PTPRS: variants seen among roughly 807,000 people sequenced by gnomAD.
PTPRS encodes receptor-type tyrosine-protein phosphatase S.
Under a neutral mutation model 215.3 loss-of-function variants are expected in PTPRS, and 63 were observed. The ratio of observed to expected loss-of-function variants is 0.29; its 90% confidence interval spans 0.24 to 0.36. PTPRS has a LOEUF of 0.36. Ranked by LOEUF, PTPRS falls within the 10% of genes least tolerant of loss-of-function variation. The pLI is 1.00. For missense variants in PTPRS, 2,258 were observed against 2,825.8 expected (o/e 0.80, Z 4.56); for synonymous variants, 1,404 against 1,191.4 (o/e 1.18, Z -3.68).
chr19:5,219,887 T>C, intron 22 of PTPRS, 52 bp downstream of exon 22: 8 of 1,567,890 alleles, frequency 5.1e-6, no homozygotes, highest in Non-Finnish European at 7.0e-6. Flanking sequence ...GAATGGGGTC[T>C]GCCTCATTCA....
At position 5,208,305 on chromosome 19, in the gene PTPRS, G is replaced by C; in HGVS notation, c.5574C>G (p.Asp1858Glu). Residue 1858 changes from aspartate (D) to glutamate (E), a missense_variant, in exon 36 of 38, where the codon GAC (aspartate) becomes GAG (glutamate). This residue lies in a region of PTPRS where 927 missense variants were observed against 1,125.9 expected (regional missense o/e 0.82). Transcript: ENST00000262963. ...TAGTCTTATGCACTTGGCCAATGAA[G>C]TCGATGAAGCCCTCCCCCGACTTTG... is the stretch of plus-strand genomic sequence containing the variant. ...GVPKSGEGFI[D>E]FIGQVHKTKE... is the part of the protein sequence containing the mutation. 1 of 1,613,996 alleles carries C rather than the reference G, an allele frequency of 6.2e-7. No homozygotes were observed. Among genetic ancestry groups the C allele is most frequent in the Non-Finnish European group, 8.5e-7 (1 of 1,179,930 alleles).
Position 5,210,950 on chromosome 19 carries a change from C to G in PTPRS, c.5235-145G>C. On this transcript the variant is annotated intron_variant, in intron 33 of 37. Transcript: ENST00000262963. The surrounding 1 kb of genome is among the most constrained non-coding windows in gnomAD (Gnocchi z 4.5). The stretch of plus-strand genomic sequence containing the variant: ...CTGCCAGGAATGGCTGCTGGGTGCA[C>G]CACTTCCCCTCCTGGTGATCCCATT... 1 of 1,117,308 alleles carries G rather than the reference C, an allele frequency of 9.0e-7. No individual in the cohort carries two copies. Among genetic ancestry groups the G allele is most frequent in the Non-Finnish European group, 1.2e-6 (1 of 805,870 alleles). 69.2% of individuals were successfully genotyped at this position (1,117,308 alleles called of 1,614,324 possible).
intron 1 of PTPRS, among the ~76,000 whole-genome samples, chr19:5,305,963 AAAAAAAAG>A (rs2049478900): frequency 7.0e-6 from 1 of 143,286 alleles, no homozygotes; most frequent in Non-Finnish European, 1.5e-5. Context: ...AAAAAAAAAA[AAAAAAAAG>A]GGCGAATTCC....
At chr19:5,245,673 G>C in intron 10 of PTPRS, 103 bp downstream of exon 10, 1 of 1,448,532 alleles carries the variant, frequency 6.9e-7, no homozygotes, top group Non-Finnish European at 9.1e-7. Flanking sequence ...GAAGCCAAGA[G>C]GGTAACTCGG....
chr19:5,249,661 G>A (rs993417040), intron 9 of PTPRS, among the ~76,000 whole-genome samples: 1 of 152,214 alleles, frequency 6.6e-6, no homozygotes. Flanking sequence ...GGACACCAAA[G>A]AGGAAAAAAG....
intron 1 of PTPRS, among the ~76,000 whole-genome samples, chr19:5,321,341 G>A (rs1484104583): frequency 2.0e-5 from 3 of 152,266 alleles, no homozygotes; most frequent in South Asian, 2.1e-4. Flanking sequence ...GGAGCATTCC[G>A]ACCTGGGGAA....
At chr19:5,262,842 C>T in intron 6 of PTPRS, 122 bp downstream of exon 6, 1 of 1,106,510 alleles carries the variant, frequency 9.0e-7, no homozygotes, top group Non-Finnish European at 1.3e-6. Flanking sequence ...GTAAACATAC[C>T]AGGCAGAGTG....
chr19:5,252,873 C>CAAAAAAAAAAAAA (rs769636796), intron 9 of PTPRS, among the ~76,000 whole-genome samples: 9 of 45,640 alleles, frequency 2.0e-4, no homozygotes, highest in Admixed American at 4.8e-4. Context: ...AACTCCATCT[C>CAAAAAAAAAAAAA]AAAAAAAAAA....
intron 1 of PTPRS, among the ~76,000 whole-genome samples, chr19:5,298,271 G>T (rs1280944140): frequency 6.6e-6 from 1 of 152,186 alleles, no homozygotes; most frequent in Non-Finnish European, 1.5e-5. Flanking sequence ...ACACAGCTGT[G>T]TCCCTTCGTC....
intron 1 of PTPRS, among the ~76,000 whole-genome samples, chr19:5,327,877 A>C (rs921096335): frequency 3.3e-5 from 5 of 152,158 alleles, no homozygotes; most frequent in African/African-American, 1.2e-4. Flanking sequence ...TTGGGATTAC[A>C]GCCATGAGTC....
intron 1 of PTPRS, among the ~76,000 whole-genome samples, chr19:5,303,015 A>G (rs1474197975): frequency 6.6e-6 from 1 of 152,050 alleles, no homozygotes. Context: ...GCTTGCAGTG[A>G]GCCGAGATGG....
chr19:5,220,227 C>T (rs1179259835), intron 21 of PTPRS, 33 bp downstream of exon 21: 2 of 1,610,694 alleles, frequency 1.2e-6, no homozygotes, highest in Non-Finnish European at 1.7e-6. Flanking sequence ...TGGAATGCAT[C>T]TGGGCCCTGC....
chr19:5,263,384 AAGG>A (rs1568509268), intron 5 of PTPRS, among the ~76,000 whole-genome samples: 1 of 151,984 alleles, frequency 6.6e-6, no homozygotes. Flanking sequence ...GGTTTTCACT[AAGG>A]AGGAGGAGCA....
At chr19:5,334,870 G>GT (rs2050442183) in intron 1 of PTPRS, among the ~76,000 whole-genome samples, 1 of 152,190 alleles carries the variant, frequency 6.6e-6, no homozygotes, top group African/African-American at 2.4e-5. Context: ...GGGACGGCAG[G>GT]TTGGAGGAGA....
At chr19:5,265,244 C>G (rs746808306) in intron 4 of PTPRS, 48 bp from the exon 5 acceptor site, 7 of 1,544,570 alleles carry the variant, frequency 4.5e-6, no homozygotes, top group South Asian at 1.2e-5. Flanking sequence ...GAGCACTGCA[C>G]AGCCACTCCT....
At chr19:5,310,765 A>T (rs994075264) in intron 1 of PTPRS, among the ~76,000 whole-genome samples, 2 of 151,254 alleles carry the variant, frequency 1.3e-5, no homozygotes, top group Admixed American at 1.3e-4. Flanking sequence ...GAGTGCAGTG[A>T]CGCAATCTCA....
intron 1 of PTPRS, among the ~76,000 whole-genome samples, chr19:5,319,176 C>A (rs2049958853): frequency 6.6e-6 from 1 of 152,162 alleles, no homozygotes; most frequent in Non-Finnish European, 1.5e-5. Context: ...CTTTGGGAAG[C>A]CAAGGTGGGC....
At chr19:5,303,954 A>AAAAAAAAAAAAAATAAAATAAAAAT in intron 1 of PTPRS, among the ~76,000 whole-genome samples, 1 of 132,254 alleles carries the variant, frequency 7.6e-6, no homozygotes, top group African/African-American at 3.1e-5. Context: ...CTGTCTCAAA[A>AAAAAAAAAAAAAATAAAATAAAAAT]AATAATAATA....
chr19:5,260,585 C>T (rs973928455), intron 7 of PTPRS, among the ~76,000 whole-genome samples: 3 of 152,214 alleles, frequency 2.0e-5, no homozygotes, highest in Non-Finnish European at 2.9e-5. Context: ...CCCCGCCTTC[C>T]ACAGCCAGGT....
Sources: allele counts gnomAD v4.1 joint callset (sites outside exome capture counted in the v4.1 genomes callset), GRCh38; gene constraint gnomAD v4.1.1; regional missense constraint gnomAD v4.1.1; non-coding constraint Gnocchi (gnomAD v3.1); transcripts MANE v1.5; gene names NCBI Gene and HGNC (gene_info 2026-07-23, HGNC 2026-07-21).